Variants in TENT5D observed in about 807,000 individuals in gnomAD.
The protein encoded by TENT5D is cancer/testis antigen 112.
For missense variants in TENT5D, 191 were observed against 287.0 expected, an observed-to-expected ratio of 0.67 and a Z score of 2.42; for synonymous variants, 103 against 100.6, an observed-to-expected ratio of 1.02 and a Z score of -0.15.
intron 3 of TENT5D, among the ~76,000 whole-genome samples, chrX:80,373,676 A>G (rs1453382684): frequency 2.7e-5 from 3 of 111,160 alleles, no homozygotes; most frequent in Non-Finnish European, 5.7e-5. Context: ...TCTCCCATAT[A>G]TATTTAGTCA....
At chrX:80,443,777 T>C in exon 3 of TENT5D, 1 of 946,861 alleles carries the variant, frequency 1.1e-6, no homozygotes, top group Non-Finnish European at 1.4e-6. Context: ...TTTCCAAATG[T>C]AAAATTCAAG....
intron 1 of TENT5D, among the ~76,000 whole-genome samples, chrX:80,429,592 T>G (rs1276228813): frequency 9.0e-6 from 1 of 110,821 alleles, no homozygotes; most frequent in Non-Finnish European, 1.9e-5. Flanking sequence ...CGTGAGCCAC[T>G]GCACCCAGCC....
At chrX:80,343,857 G>T (rs1284738854) in intron 3 of TENT5D, among the ~76,000 whole-genome samples, 1 of 111,238 alleles carries the variant, frequency 9.0e-6, no homozygotes, top group Non-Finnish European at 1.9e-5. Context: ...TGGGTAAATA[G>T]CAAGTTGCTG....
chrX:80,342,136 A>G (rs1433976762), intron 2 of TENT5D, among the ~76,000 whole-genome samples: 1 of 111,796 alleles, frequency 8.9e-6, no homozygotes, highest in East Asian at 2.8e-4. Context: ...TAAATTCAAA[A>G]TAAGAATTTA....
At chrX:80,395,399 G>A (rs1196768142) in intron 3 of TENT5D, among the ~76,000 whole-genome samples, 2 of 111,743 alleles carry the variant, frequency 1.8e-5, no homozygotes, top group Admixed American at 9.4e-5. Context: ...GGGATTGCTG[G>A]ATAATATGGT....
chrX:80,397,593 G>A (rs1025190357), intron 3 of TENT5D, among the ~76,000 whole-genome samples: 2 of 111,682 alleles, frequency 1.8e-5, no homozygotes, highest in Non-Finnish European at 3.8e-5. Context: ...GGGAGGTGGA[G>A]GTTGTAGCAA....
At chrX:80,422,760 A>T (rs781779790) in intron 1 of TENT5D, among the ~76,000 whole-genome samples, 1 of 111,368 alleles carries the variant, frequency 9.0e-6, no homozygotes, top group Non-Finnish European at 1.9e-5. Flanking sequence ...CCTTCCTCAG[A>T]TAGTGTTTAA....
chrX:80,351,682 G>C (rs781293394), intron 3 of TENT5D, among the ~76,000 whole-genome samples: 11 of 109,987 alleles, frequency 1.0e-4, no homozygotes, highest in African/African-American at 3.6e-4. Flanking sequence ...GTCCAGTTTT[G>C]CGCCCTTGCT....
chrX:80,410,499 A>G (rs1931632567), intron 3 of TENT5D, among the ~76,000 whole-genome samples: 1 of 94,450 alleles, frequency 1.1e-5, no homozygotes, highest in East Asian at 3.4e-4. Flanking sequence ...AAAAATGCTC[A>G]CCATCACTGG....
exon 3 of TENT5D, chrX:80,443,082 T>G (rs1932319658): frequency 2.5e-6 from 3 of 1,208,915 alleles, no homozygotes; most frequent in South Asian, 3.5e-5. Flanking sequence ...TTGTTTTGGA[T>G]CCCATGTTAG....
intron 3 of TENT5D, among the ~76,000 whole-genome samples, chrX:80,354,514 T>A (rs1247453995): frequency 1.8e-5 from 2 of 112,435 alleles, no homozygotes; most frequent in African/African-American, 6.5e-5. Flanking sequence ...GAAATTCCTA[T>A]AGTGATTTTT....
At chrX:80,394,474 T>G (rs1181352269) in intron 3 of TENT5D, among the ~76,000 whole-genome samples, 1 of 96,208 alleles carries the variant, frequency 1.0e-5, no homozygotes, top group Non-Finnish European at 2.0e-5. Flanking sequence ...CTCAGCTCAC[T>G]GCAACCTCCC....
At chrX:80,364,303 C>T (rs1266637285) in intron 3 of TENT5D, among the ~76,000 whole-genome samples, 1 of 111,621 alleles carries the variant, frequency 9.0e-6, no homozygotes, top group East Asian at 2.8e-4. Flanking sequence ...TTGTTACTCT[C>T]TTTACTCCAC....
chrX:80,418,120 C>T (rs1240294086), upstream of TENT5D, among the ~76,000 whole-genome samples: 1 of 110,913 alleles, frequency 9.0e-6, no homozygotes, highest in African/African-American at 3.3e-5. Flanking sequence ...CACTCAGTAA[C>T]ATAAAAATCA....
At position 80,394,566 on chromosome X, in the gene TENT5D, A is replaced by AT. The variant is rs1377625820; in HGVS notation, c.-141-44037dup. Among the ~76,000 whole-genome samples, 82 of 106,901 alleles carry AT rather than the reference A, an allele frequency of 7.7e-4. 1 individual carries two copies. The highest frequency in any genetic ancestry group is 1.4e-3 in the Non-Finnish European group (72 of 51,720). The allele number at this position is 106,901 out of a possible 115,157, so 92.8% of individuals were successfully genotyped here. On this transcript the variant is annotated intron_variant, in intron 3 of 4. Transcript: ENST00000538312. ...GCCACCACGCCCAGCTAATTTTGTA[A>AT]TTTTTTTAGTAGAGAAGGGGTTTCT...
intron 3 of TENT5D, among the ~76,000 whole-genome samples, chrX:80,403,713 A>G (rs1450398679): frequency 2.7e-5 from 3 of 112,199 alleles, no homozygotes; most frequent in African/African-American, 9.7e-5. Context: ...AGTGGTGCCA[A>G]CCACAAATGC....
At chrX:80,356,418 C>G (rs1044515272) in intron 3 of TENT5D, among the ~76,000 whole-genome samples, 4 of 111,485 alleles carry the variant, frequency 3.6e-5, no homozygotes, top group African/African-American at 1.3e-4. Flanking sequence ...CCATAGGTGT[C>G]TTTGGGCAAA....
intron 1 of TENT5D, among the ~76,000 whole-genome samples, chrX:80,429,088 C>T (rs1932036598): frequency 9.0e-6 from 1 of 111,138 alleles, no homozygotes; most frequent in Non-Finnish European, 1.9e-5. Flanking sequence ...AGCCTCAGGA[C>T]CCATTAGTCC....
chrX:80,409,938 C>T (rs1274670905), intron 3 of TENT5D, among the ~76,000 whole-genome samples: 2 of 108,941 alleles, frequency 1.8e-5, no homozygotes, highest in African/African-American at 3.4e-5. Flanking sequence ...TCAGAAATAA[C>T]ACCGCATATC....
Sources: allele counts gnomAD v4.1 joint callset (sites outside exome capture counted in the v4.1 genomes callset), GRCh38; gene constraint gnomAD v4.1.1; transcripts MANE v1.5; gene names NCBI Gene and HGNC (gene_info 2026-07-23, HGNC 2026-07-21).